The following PZP variants were observed in gnomAD, a reference collection of about 807,000 sequenced individuals.
PZP encodes the protein pregnancy zone protein.
In PZP, 150 loss-of-function variants were observed where a neutral mutation model predicts 179.8. The ratio of observed to expected loss-of-function variants is 0.83; its 90% confidence interval spans 0.73 to 0.96. The LOEUF (loss-of-function observed/expected upper bound fraction) is 0.96. PZP is among the 40% of genes least tolerant of loss of function. The probability of loss-of-function intolerance (pLI) is 0.00; values close to 1 mark genes in which losing one functional copy is unlikely to be tolerated. For synonymous variants in PZP, 624 were observed against 652.3 expected, an observed-to-expected ratio of 0.96 and a Z score of 0.66; for missense variants, 1,689 against 1,764.0, an observed-to-expected ratio of 0.96 and a Z score of 0.76.
the PZP span, among the ~76,000 whole-genome samples, chr12:9,142,848 C>A: frequency 6.6e-6 from 1 of 152,126 alleles, no homozygotes; most frequent in African/African-American, 2.4e-5. Context: ...ACAACGAAAA[C>A]AAAGGTTTTT....
chr12:9,204,627 C>T (rs1944356866), intron 1 of PZP, among the ~76,000 whole-genome samples: 1 of 152,116 alleles, frequency 6.6e-6, no homozygotes, highest in Non-Finnish European at 1.5e-5. Flanking sequence ...ACATGCACAA[C>T]TCCCTGCTAC....
intron 2 of PZP, 88 bp from the exon 3 acceptor site, chr12:9,202,772 T>G (rs930084219): frequency 2.8e-5 from 36 of 1,298,402 alleles, no homozygotes; most frequent in Admixed American, 1.6e-4. Context: ...CTATCTCTCC[T>G]TCAGCTTCAC....
intron 28 of PZP, 40 bp downstream of exon 28, chr12:9,157,135 G>C: frequency 6.3e-7 from 1 of 1,579,234 alleles, no homozygotes; most frequent in Non-Finnish European, 8.6e-7. Context: ...CTGTGTCTAT[G>C]TGTTCTCATT....
At chr12:9,173,917 C>T (rs1942178478) in intron 15 of PZP, among the ~76,000 whole-genome samples, 1 of 152,172 alleles carries the variant, frequency 6.6e-6, no homozygotes, top group Admixed American at 6.5e-5. Flanking sequence ...GAGCTGGTAC[C>T]ATTTCTACTA....
At chr12:9,168,288 CA>C (rs1383583408) in intron 17 of PZP, among the ~76,000 whole-genome samples, 1 of 152,108 alleles carries the variant, frequency 6.6e-6, no homozygotes, top group Non-Finnish European at 1.5e-5. Context: ...TATTTGTGAG[CA>C]GATGGATGTC....
At chr12:9,148,053 A>C (rs1365421829), downstream of PZP, among the ~76,000 whole-genome samples, 1 of 152,016 alleles carries the variant, frequency 6.6e-6, no homozygotes, top group Non-Finnish European at 1.5e-5. Context: ...ATTTGATTTT[A>C]CCATCTGCTA....
chr12:9,149,700 C>A, intron 34 of PZP, 98 bp from the exon 35 acceptor site: 1 of 1,143,616 alleles, frequency 8.7e-7, no homozygotes, highest in Non-Finnish European at 1.2e-6. Flanking sequence ...GAAAAGCACG[C>A]CCTATCAGAA....
rs140050885 is a variant in PZP, at chr12:9,194,193, A to G, written c.1138T>C (p.Phe380Leu). The change falls in exon 11 of 36, where the codon TTC becomes CTC. Residue 380 changes from phenylalanine (F) to leucine (L), a missense_variant. This residue lies in a region of PZP where 742 missense variants were observed against 730.5 expected (regional missense o/e 1.02). Coordinates refer to ENST00000261336, the MANE Select transcript of PZP (RefSeq NM_002864.3). The stretch of plus-strand genomic sequence containing the variant: ...TTGGCGTCATTCACAGAGATGAAGA[A>G]GAGTTTATTGGGGATGGGCACACCT... The part of the protein sequence containing the change: ...GKGVPIPNKL[F>L]FISVNDANYY... The G allele has an allele frequency of 6.8e-6, 11 of 1,614,106 alleles. No individual in the cohort carries two copies. Among genetic ancestry groups the G allele is most frequent in the Non-Finnish European group, 9.3e-6 (11 of 1,179,980 alleles).
chr12:9,163,694 T>C lies in PZP; in HGVS notation c.2710A>G (p.Thr904Ala), dbSNP rs750140627. 1 of 1,613,962 alleles carries C rather than the reference T, an allele frequency of 6.2e-7. No individual in the cohort carries two copies. The highest frequency in any genetic ancestry group is 1.1e-5 in the South Asian group (1 of 91,074). The change falls in exon 21 of 36, where the codon ACA becomes GCA. Residue 904 changes from threonine to alanine, a missense_variant. By Grantham distance (58) the Thr-to-Ala change is moderately conservative (BLOSUM62 0). Around this residue, in one of 3 missense-constraint regions of PZP, gnomAD observed 746 missense variants for 749.2 expected, o/e 1.00. Transcript: ENST00000261336. The part of the protein sequence containing the change: ...VEVPEIKRKD[T>A]VIKTLLVEAE... The stretch of plus-strand genomic sequence containing the variant: ...TCCACCAACAGGGTTTTGATGACTG[T>C]GTCTTTTCTTTTAATCTCAGGGACC...
At chr12:9,140,991 C>G in the PZP span, among the ~76,000 whole-genome samples, 1 of 152,108 alleles carries the variant, frequency 6.6e-6, no homozygotes, top group Non-Finnish European at 1.5e-5. Flanking sequence ...ATTGCCATAA[C>G]TTAAATATAC....
At chr12:9,137,906 C>T in the PZP span, among the ~76,000 whole-genome samples, 4 of 151,976 alleles carry the variant, frequency 2.6e-5, no homozygotes, top group Non-Finnish European at 5.9e-5. Context: ...TTAGTTTTAA[C>T]AGTTTTTTAA....
rs1257888315 is a variant in PZP, at chr12:9,160,503, A to G, written c.2873-13T>C. ...CCTAATATGTCACCTGGGGAATGTG[A>G]AAGATTAGATGTCAGAATAATTTCA... On this transcript the variant is annotated splice_polypyrimidine_tract_variant and intron_variant, in intron 23 of 35. Coordinates refer to ENST00000261336, the MANE Select transcript of PZP (RefSeq NM_002864.3). 3.7e-6 allele frequency: 6 copies of G among 1,606,394 alleles called. No homozygotes were observed. Among genetic ancestry groups the G allele is most frequent in the Non-Finnish European group, 5.1e-6 (6 of 1,176,486 alleles).
intron 7 of PZP, among the ~76,000 whole-genome samples, chr12:9,199,648 T>C (rs1944036619): frequency 6.6e-6 from 1 of 152,080 alleles, no homozygotes; most frequent in Admixed American, 6.6e-5. Context: ...TTCAGCGAAA[T>C]GTCATTAAAA....
Position 9,163,921 on chromosome 12 carries a change from G to C in PZP, c.2615-132C>G, listed in dbSNP as rs928199152. On this transcript the variant is annotated intron_variant, in intron 20 of 35. Coordinates refer to ENST00000261336, the MANE Select transcript of PZP (RefSeq NM_002864.3). ...AAAAAAAGAAACCCACAAGGTTAAT[G>C]TATACTAAGTAGCCAATGTCCAAGA... The C allele has an allele frequency of 3.9e-6, 5 of 1,278,646 alleles. No individual in the cohort carries two copies. The African/African-American group carries it at 6.0e-5, about 15-fold the overall frequency. The allele number at this position is 1,278,646 out of a possible 1,614,324, so 79.2% of individuals were successfully genotyped here.
At chr12:9,183,056 A>T (rs894260568) in intron 13 of PZP, among the ~76,000 whole-genome samples, 80 of 152,228 alleles carry the variant, frequency 5.3e-4, no homozygotes, top group Non-Finnish European at 2.9e-5. Flanking sequence ...GAAACTCAAA[A>T]TAATGTAGGA....
chr12:9,192,542 T>C lies in PZP; in HGVS notation c.1452A>G (p.Gly484=). The change falls in exon 12 of 36, where the codon GGA becomes GGG. Residue 484 remains glycine (G), a synonymous_variant. Coordinates refer to ENST00000261336, the MANE Select transcript of PZP (RefSeq NM_002864.3). ...AHYTLNRQAM[G]ELSELSFHYL... ...AATGGAAACTGAGCTCCGATAACTC[T>C]CCCATGGCCTGTCTATTCAGTGTAT... 1 of 1,613,702 alleles carries C rather than the reference T, an allele frequency of 6.2e-7. No homozygotes were observed. Among genetic ancestry groups the C allele is most frequent in the Non-Finnish European group, 8.5e-7 (1 of 1,179,652 alleles).
At chr12:9,194,049 C>T (rs778295354) in intron 11 of PZP, 28 bp downstream of exon 11, 4 of 1,586,504 alleles carry the variant, frequency 2.5e-6, no homozygotes, top group Non-Finnish European at 1.7e-6. Flanking sequence ...TTTCCTTTGT[C>T]CTCAGAGATT....
intron 34 of PZP, among the ~76,000 whole-genome samples, chr12:9,149,927 A>C (rs1190220557): frequency 6.6e-5 from 10 of 151,962 alleles, no homozygotes; most frequent in Admixed American, 6.6e-4. Flanking sequence ...TGCTCCCTTA[A>C]TTACTTTTCA....
chr12:9,197,865 A>T (rs1175386356), intron 7 of PZP, among the ~76,000 whole-genome samples: 3 of 119,888 alleles, frequency 2.5e-5, no homozygotes, highest in African/African-American at 3.3e-5. Flanking sequence ...AATTATATAT[A>T]ATATATAATA....
Sources: gnomAD v4.1 joint callset for allele counts (sites outside exome capture counted in the v4.1 genomes callset) on GRCh38, gnomAD v4.1.1 for gene constraint, gnomAD v4.1.1 regional missense constraint, MANE v1.5 for transcripts, NCBI Gene and HGNC (gene_info 2026-07-23, HGNC 2026-07-21) for gene names.